Variants in GSE1 observed in about 807,000 individuals in gnomAD.
The protein encoded by GSE1 is genetic suppressor element 1.
A neutral mutation model predicts 112.6 loss-of-function variants in GSE1; 32 were observed. The observed-to-expected ratio is 0.28, with a 90% CI of 0.21 to 0.38. GSE1 has a LOEUF of 0.38. GSE1 is among the 10% of genes least tolerant of loss of function. The pLI is 1.00. For missense variants in GSE1, 2,348 were observed against 1,699.2 expected (o/e 1.38, Z -6.71); for synonymous variants, 1,115 against 735.6 (o/e 1.52, Z -8.35).
intron 2 of GSE1, among the ~76,000 whole-genome samples, chr16:85,442,747 T>A (rs1009388897): frequency 6.6e-6 from 1 of 152,122 alleles, no homozygotes; most frequent in African/African-American, 2.4e-5. Context: ...CCCCCTTAGC[T>A]CCCGTATTAG....
chr16:85,334,565 T>C (rs2046443600), intron 1 of GSE1, among the ~76,000 whole-genome samples: 1 of 152,192 alleles, frequency 6.6e-6, no homozygotes, highest in Non-Finnish European at 1.5e-5. Context: ...GGGTGGACTC[T>C]GAGGTGCAGG....
chr16:85,256,139 G>T (rs954207163), intron 1 of GSE1, among the ~76,000 whole-genome samples: 1 of 152,160 alleles, frequency 6.6e-6, no homozygotes, highest in Non-Finnish European at 1.5e-5. Context: ...TAAATCATGC[G>T]GTGGGGAGGG....
At chr16:85,187,984 C>T (rs958736044) in intron 1 of GSE1, among the ~76,000 whole-genome samples, 13 of 152,242 alleles carry the variant, frequency 8.5e-5, no homozygotes, top group Admixed American at 2.6e-4. Context: ...TGTAGCAGGA[C>T]CCCTGCTCCC....
At chr16:85,179,730 G>A (rs1007001806) in intron 1 of GSE1, among the ~76,000 whole-genome samples, 24 of 152,286 alleles carry the variant, frequency 1.6e-4, no homozygotes, top group African/African-American at 4.8e-4. Context: ...GATGGCGATC[G>A]TTTTTGTTCT....
At chr16:85,565,643 C>G (rs1238967694) in intron 1 of GSE1, among the ~76,000 whole-genome samples, 2 of 152,204 alleles carry the variant, frequency 1.3e-5, no homozygotes, top group Non-Finnish European at 2.9e-5. Context: ...GTGGAGTCTG[C>G]ATGTTCATGA....
chr16:85,247,800 CA>C (rs1301280024), intron 1 of GSE1, among the ~76,000 whole-genome samples: 1 of 152,206 alleles, frequency 6.6e-6, no homozygotes, highest in Non-Finnish European at 1.5e-5. Context: ...GGGGACATGC[CA>C]GGGGGCTGGT....
chr16:85,217,601 C>G (rs993676434), intron 1 of GSE1, among the ~76,000 whole-genome samples: 1 of 152,172 alleles, frequency 6.6e-6, no homozygotes, highest in Non-Finnish European at 1.5e-5. Context: ...GATGCCCTTG[C>G]CTGGTTGTGA....
chr16:85,507,699 G>C (rs1366068482), intron 2 of GSE1, among the ~76,000 whole-genome samples: 2 of 152,118 alleles, frequency 1.3e-5, no homozygotes, highest in Non-Finnish European at 2.9e-5. Context: ...TATTGGATTA[G>C]GGCCACCCGG....
chr16:85,525,355 C>T (rs1178514112), intron 2 of GSE1, among the ~76,000 whole-genome samples: 3 of 152,172 alleles, frequency 2.0e-5, no homozygotes, highest in South Asian at 2.1e-4. Flanking sequence ...TGGCTCAGCC[C>T]GAGGGAAGGG....
At chr16:85,176,045 A>G (rs1050730861) in intron 1 of GSE1, among the ~76,000 whole-genome samples, 17 of 152,016 alleles carry the variant, frequency 1.1e-4, no homozygotes, top group South Asian at 4.2e-4. Flanking sequence ...CTGGCGTGCA[A>G]TGGTACAATG....
chr16:85,673,623 T>C lies in GSE1; in HGVS notation c.*1084T>C, dbSNP rs1347966203. 6.6e-6 allele frequency: 1 copy of C among 152,214 alleles called. No individual in the cohort carries two copies. Among genetic ancestry groups the C allele is most frequent in the Non-Finnish European group, 1.5e-5 (1 of 68,038 alleles). 9.4% of individuals were successfully genotyped at this position (152,214 alleles called of 1,614,324 possible). A position where few individuals can be genotyped will look rare whatever the true frequency, so the allele number is the denominator to read the frequency against. On this transcript the variant is annotated 3_prime_UTR_variant, in exon 16 of 16. Coordinates refer to ENST00000253458, the MANE Select transcript of GSE1 (RefSeq NM_014615.5). The stretch of plus-strand genomic sequence containing the variant: ...CTATGCGATCACTTCATTTTTAGTT[T>C]GAGTTGCACCAGAAGCTGCCGTAGA...
In GSE1 at chr16:85,573,443, G is replaced by A. The variant is rs573490501; in HGVS notation, c.37+17080G>A. 1.5e-4 allele frequency among the ~76,000 whole-genome samples: 23 copies of A among 152,256 alleles called. No homozygotes were observed. In the South Asian group the frequency reaches 4.8e-3, roughly 32 times the overall value. On this transcript the variant is annotated intron_variant, in intron 1 of 2. Transcript: ENST00000635906. ...TGTGAACACTGGCGTGCATGTTTTT[G>A]TGTGTCTGTATGTTTTCATTTCTCT... is the stretch of plus-strand genomic sequence containing the variant.
At chr16:85,439,169 G>C (rs2049318231) in intron 2 of GSE1, among the ~76,000 whole-genome samples, 1 of 152,236 alleles carries the variant, frequency 6.6e-6, no homozygotes, top group African/African-American at 2.4e-5. Flanking sequence ...GCCTGCCCTG[G>C]CCCCTCACCC....
intron 2 of GSE1, among the ~76,000 whole-genome samples, chr16:85,645,939 C>T (rs575683743): frequency 6.7e-6 from 1 of 149,936 alleles, no homozygotes; most frequent in South Asian, 2.1e-4. Context: ...CTGCTTCTAC[C>T]ACGCATTCTA....
upstream of GSE1, chr16:85,555,698 T>A (rs978376256): frequency 5.5e-5 from 43 of 781,378 alleles, no homozygotes; most frequent in Non-Finnish European, 6.6e-5. Context: ...TTTTTCCTTC[T>A]GGTTCTGAAC....
intron 2 of GSE1, among the ~76,000 whole-genome samples, chr16:85,524,247 G>T (rs1378923118): frequency 2.0e-5 from 3 of 152,142 alleles, no homozygotes; most frequent in African/African-American, 7.2e-5. Flanking sequence ...AGGTGACGCG[G>T]GGTGGCGGGG....
At chr16:85,352,468 G>C (rs1175789420) in intron 1 of GSE1, among the ~76,000 whole-genome samples, 1 of 152,172 alleles carries the variant, frequency 6.6e-6, no homozygotes, top group Non-Finnish European at 1.5e-5. Context: ...ATGTTCTCCA[G>C]GGCCCCCTGG....
At chr16:85,308,883 C>G (rs2045751754) in intron 1 of GSE1, among the ~76,000 whole-genome samples, 1 of 147,516 alleles carries the variant, frequency 6.8e-6, no homozygotes, top group African/African-American at 2.5e-5. Context: ...ACTGTGCTAT[C>G]TCGGATGACG....
intron 1 of GSE1, among the ~76,000 whole-genome samples, chr16:85,303,334 G>C (rs1051897202): frequency 4.6e-5 from 7 of 152,210 alleles, no homozygotes; most frequent in Non-Finnish European, 8.8e-5. Flanking sequence ...TGGAAGTGAG[G>C]GTCTATGACC....
Sources: allele counts gnomAD v4.1 joint callset (sites outside exome capture counted in the v4.1 genomes callset), GRCh38; gene constraint gnomAD v4.1.1; transcripts MANE v1.5; gene names NCBI Gene and HGNC (gene_info 2026-07-23, HGNC 2026-07-21).